Variants in ASCC3 observed in about 807,000 individuals in gnomAD.
The protein encoded by ASCC3 is ASC-1 complex subunit P200.
In ASCC3, 158 loss-of-function variants were observed where a neutral mutation model predicts 256.3. The observed-to-expected ratio is 0.62, with a 90% CI of 0.54 to 0.70. The LOEUF (loss-of-function observed/expected upper bound fraction) is 0.70. Ranked by LOEUF, ASCC3 falls within the 30% of genes least tolerant of loss-of-function variation. ASCC3 has a pLI of 0.00. For synonymous variants in ASCC3, 948 were observed against 883.4 expected (o/e 1.07, Z -1.30); for missense variants, 2,259 against 2,626.0 (o/e 0.86, Z 3.05).
Position 100,646,665 on chromosome 6 carries a change from C to T in ASCC3, c.3583G>A (p.Val1195Ile). 5 of 1,614,028 alleles carry T rather than the reference C, an allele frequency of 3.1e-6. No individual in the cohort carries two copies. Among genetic ancestry groups the T allele is most frequent in the Non-Finnish European group, 4.2e-6 (5 of 1,179,952 alleles). The change falls in exon 22 of 42, where the codon GTC (valine) becomes ATC (isoleucine). Residue 1195 changes from valine to isoleucine, a missense_variant. Coordinates refer to ENST00000369162, the MANE Select transcript of ASCC3 (RefSeq NM_006828.4). ...EASIQPITRT[V>I]LRVTLSIYAD... ...TAGATGCTGAGTGTCACTCGGAGGA[C>T]AGTCCTTGTGATAGGCTGAATGGAT... is the stretch of plus-strand genomic sequence containing the variant.
Position 100,638,709 on chromosome 6 carries a change from C to T in ASCC3, c.4014G>A (p.Leu1338=), listed in dbSNP as rs1021512871. The T allele has an allele frequency of 1.2e-6, 2 of 1,613,982 alleles. No individual in the cohort carries two copies. Among genetic ancestry groups the T allele is most frequent in the South Asian group, 2.2e-5 (2 of 91,078 alleles). Residue 1338 remains leucine, a synonymous_variant, in exon 25 of 42, where the codon TTG becomes TTA. Transcript: ENST00000369162. Reference sequence around the variant, plus strand: ...GTAGGACATTACAATCCGTGTGATACAATGTATGAAATATTTGTGTCTGTA... The same window carrying T: ...GTAGGACATTACAATCCGTGTGATATAATGTATGAAATATTTGTGTCTGTA... ...NPVQTQIFHT[L]YHTDCNVLLG...
intron 3 of ASCC3, among the ~76,000 whole-genome samples, chr6:100,853,420 C>CT (rs11299576): frequency 0.12 from 15,493 of 127,608 alleles, 1,447 homozygotes; most frequent in East Asian, 0.2. Flanking sequence ...ATAAATATTC[C>CT]TTTTTTTTTT....
chr6:100,792,312 A>C (rs1406824355), intron 8 of ASCC3, among the ~76,000 whole-genome samples: 1 of 151,908 alleles, frequency 6.6e-6, no homozygotes, highest in African/African-American at 2.4e-5. Flanking sequence ...CATCTGAATA[A>C]TTTATTGACA....
chr6:100,604,870 T>C (rs1772805267), intron 33 of ASCC3, among the ~76,000 whole-genome samples: 1 of 152,098 alleles, frequency 6.6e-6, no homozygotes, highest in Non-Finnish European at 1.5e-5. Flanking sequence ...GGAGATCCAA[T>C]ATATAGAAAA....
intron 36 of ASCC3, among the ~76,000 whole-genome samples, chr6:100,587,891 T>G (rs1359501216): frequency 2.0e-5 from 3 of 151,720 alleles, no homozygotes; most frequent in African/African-American, 7.3e-5. Flanking sequence ...GATTTTAAGG[T>G]TTTTTTTGGC....
intron 8 of ASCC3, among the ~76,000 whole-genome samples, chr6:100,770,112 C>T (rs1018285300): frequency 3.3e-5 from 5 of 151,756 alleles, no homozygotes; most frequent in African/African-American, 1.2e-4. Context: ...GCTAGCACTG[C>T]CCCAATATAA....
chr6:100,567,295 T>C (rs1032801594), intron 36 of ASCC3, among the ~76,000 whole-genome samples: 1 of 152,144 alleles, frequency 6.6e-6, no homozygotes, highest in African/African-American at 2.4e-5. Flanking sequence ...TGTTTGTACC[T>C]TAATTTTTTT....
At chr6:100,736,237 T>C (rs1225329400) in intron 10 of ASCC3, among the ~76,000 whole-genome samples, 1 of 152,226 alleles carries the variant, frequency 6.6e-6, no homozygotes, top group East Asian at 1.9e-4. Flanking sequence ...TATGTAGCTA[T>C]GTAGGTTTAA....
rs556419233 is a variant in ASCC3 at position 100,758,819 on chromosome 6, C to G, written c.1737+7746G>C. 3.3e-5 allele frequency among the ~76,000 whole-genome samples: 5 copies of G among 152,322 alleles called. No homozygotes were observed. The South Asian group carries it at 1.0e-3, about 32-fold the overall frequency. On this transcript the variant is annotated intron_variant, in intron 10 of 41. Transcript: ENST00000369162. The stretch of plus-strand genomic sequence containing the variant: ...TTTAGATCCTTGAGGAATCATCATA[C>G]TGTCTTCCACAATGGCTGAACTAAT...
At chr6:100,710,266 A>G (rs950489849) in intron 13 of ASCC3, among the ~76,000 whole-genome samples, 2 of 152,162 alleles carry the variant, frequency 1.3e-5, no homozygotes, top group Non-Finnish European at 2.9e-5. Context: ...ATGCACACAA[A>G]AGATGGAGAG....
At chr6:100,615,363 A>T (rs1479564125) in intron 30 of ASCC3, among the ~76,000 whole-genome samples, 1 of 150,302 alleles carries the variant, frequency 6.7e-6, no homozygotes, top group Non-Finnish European at 1.5e-5. Context: ...TTTCTATTCG[A>T]TATTGTTGTC....
At position 100,651,605 on chromosome 6, in the gene ASCC3, A is replaced by G. The variant is rs758034438; in HGVS notation, c.3030T>C (p.Asp1010=). Residue 1010 remains aspartate (D), a synonymous_variant, in exon 19 of 42, where the codon GAT becomes GAC. Transcript: ENST00000369162. ...CAGCTTTGGAGACTATGGCAAAGAT[A>G]TCACCTTCTGTTTTGTGAGCATCAA... ...ELFDAHKTEG[D]IFAIVSKAEE... The G allele has an allele frequency of 3.8e-6, 6 of 1,590,624 alleles. No homozygotes were observed. Among genetic ancestry groups the G allele is most frequent in the Non-Finnish European group, 5.1e-6 (6 of 1,166,412 alleles).
chr6:100,631,239 T>C (rs1450544133), intron 25 of ASCC3, 26 bp from the exon 26 acceptor site: 10 of 1,537,634 alleles, frequency 6.5e-6, no homozygotes, highest in Middle Eastern at 1.7e-4. Context: ...TAGCCAAAAA[T>C]ACTCTTATGA....
chr6:100,647,150 A>G lies in ASCC3; in HGVS notation c.3478+76T>C, dbSNP rs1775419935. 2.3e-6 allele frequency: 3 copies of G among 1,289,270 alleles called. No homozygotes were observed. In the African/African-American group the frequency reaches 4.4e-5, roughly 19 times the overall value. 79.9% of individuals were successfully genotyped at this position (1,289,270 alleles called of 1,614,324 possible). ...ATTTTGATTAATGTGGAAATTCACA[A>G]TACCTTCTTTTACACCCAGCAACAT... On this transcript the variant is annotated intron_variant, in intron 21 of 41. Transcript: ENST00000369162.
At chr6:100,670,663 G>C (rs572051043) in intron 14 of ASCC3, among the ~76,000 whole-genome samples, 1 of 142,424 alleles carries the variant, frequency 7.0e-6, no homozygotes, top group Non-Finnish European at 1.5e-5. Context: ...CTTTTAATCC[G>C]CAGTTGGCTG....
At chr6:100,650,801 AAGAG>A in intron 19 of ASCC3, 87 bp from the exon 20 acceptor site, 1 of 1,064,334 alleles carries the variant, frequency 9.4e-7, no homozygotes, top group Non-Finnish European at 1.4e-6. Flanking sequence ...CATGTTTTTA[AAGAG>A]TTTCCATTTA....
chr6:100,523,067 G>A (rs185750340), intron 37 of ASCC3, among the ~76,000 whole-genome samples: 43 of 150,384 alleles, frequency 2.9e-4, no homozygotes, highest in Admixed American at 2.6e-3. Flanking sequence ...TAATAAGTTT[G>A]GATGAAGTAT....
rs138817962 is a variant in ASCC3, at chr6:100,572,668, A to G, written c.5550+16966T>C. Among the ~76,000 whole-genome samples the G allele has an allele frequency of 1.5e-3, 229 of 152,306 alleles. 3 individuals are homozygous for G. The highest frequency in any genetic ancestry group is 5.3e-3 in the African/African-American group (219 of 41,566). On this transcript the variant is annotated intron_variant, in intron 36 of 41. Coordinates refer to ENST00000369162, the MANE Select transcript of ASCC3 (RefSeq NM_006828.4). ...GAGATAAACATAATGACTTGTTTTT[A>G]AACACATTAGGATATACTTCATAAT...
intron 6 of ASCC3, 67 bp from the exon 7 acceptor site, chr6:100,799,639 A>C: frequency 6.7e-7 from 1 of 1,502,348 alleles, no homozygotes; most frequent in South Asian, 1.2e-5. Flanking sequence ...CACCAAAACA[A>C]GGCAATTATA....
Sources: allele counts gnomAD v4.1 joint callset (sites outside exome capture counted in the v4.1 genomes callset), GRCh38; gene constraint gnomAD v4.1.1; transcripts MANE v1.5; gene names NCBI Gene and HGNC (gene_info 2026-07-23, HGNC 2026-07-21).